The following POU5F1B variants were observed in gnomAD, a reference collection of about 807,000 sequenced individuals.
POU5F1B encodes POU domain, class 5, transcription factor 1B.
A neutral mutation model predicts 28.1 loss-of-function variants in POU5F1B; 24 were observed. That is an observed-to-expected ratio of 0.85 (90% CI 0.62 to 1.20). The LOEUF (loss-of-function observed/expected upper bound fraction) is 1.20, where lower values mean the gene tolerates loss of function less well. Ranked by LOEUF, POU5F1B falls within the 50% of genes most tolerant of loss-of-function variation. The pLI is 0.00. For missense variants in POU5F1B, 451 were observed against 451.5 expected, an observed-to-expected ratio of 1.00 and a Z score of 0.01; for synonymous variants, 220 against 193.2, an observed-to-expected ratio of 1.14 and a Z score of -1.15.
intron 2 of POU5F1B, chr8:127,415,296 C>T (rs1237532378): frequency 6.6e-6 from 1 of 152,376 alleles, no homozygotes; most frequent in Non-Finnish European, 1.5e-5. Context: ...GTAGAATTTG[C>T]ACTATTAAAT....
intron 1 of POU5F1B, chr8:127,414,855 G>A (rs951102068): frequency 4.2e-4 from 64 of 152,356 alleles, no homozygotes; most frequent in African/African-American, 1.5e-3. Flanking sequence ...CATAAAGAAC[G>A]CAGTGGCTTC....
At chr8:127,413,869 C>CAT (rs1419481993) in intron 1 of POU5F1B, among the ~76,000 whole-genome samples, 4 of 152,028 alleles carry the variant, frequency 2.6e-5, no homozygotes, top group African/African-American at 9.7e-5. Context: ...CACACACACA[C>CAT]ACACACACAC....
exon 3 of POU5F1B, chr8:127,415,769 G>A (rs920829087): frequency 4.8e-6 from 7 of 1,444,604 alleles, no homozygotes; most frequent in Middle Eastern, 2.6e-4. Context: ...GCTAGTGAGC[G>A]TATGACACAC....
At chr8:127,416,220 C>A (rs766068588) in exon 3 of POU5F1B, 3 of 1,613,884 alleles carry the variant, frequency 1.9e-6, no homozygotes, top group Non-Finnish European at 2.5e-6. Context: ...GCACCGTCCC[C>A]CCTGGTGCCG....
At chr8:127,416,786 G>T (rs868868358) in exon 3 of POU5F1B, 3 of 1,606,324 alleles carry the variant, frequency 1.9e-6, no homozygotes, top group Admixed American at 1.7e-5. Flanking sequence ...TTCTCAGGGG[G>T]ACCAGTGTCC....
chr8:127,417,194 T>TAA (rs71303488), exon 3 of POU5F1B: 5,009 of 245,344 alleles, frequency 0.02, 68 homozygotes, highest in African/African-American at 0.035. Flanking sequence ...TGGGACACAG[T>TAA]AAAAAAAAAA....
intron 1 of POU5F1B, chr8:127,414,808 T>C (rs1274878980): frequency 6.6e-6 from 1 of 152,242 alleles, no homozygotes; most frequent in Non-Finnish European, 1.5e-5. Context: ...GAATAAAATA[T>C]GGCACAAGTA....
chr8:127,416,160 A>T, exon 3 of POU5F1B: 2 of 1,613,836 alleles, frequency 1.2e-6, no homozygotes, highest in Non-Finnish European at 1.7e-6. Flanking sequence ...CTGAGAGCGA[A>T]GCAGGAGTCG....
exon 3 of POU5F1B, chr8:127,416,550 G>A (rs6998254): frequency 0.51 from 811,769 of 1,604,796 alleles, 207,606 homozygotes; most frequent in Admixed American, 0.62. Context: ...CCCTCATGCA[G>A]GCCCGAAAGA....
In POU5F1B at chr8:127,416,233, A is replaced by G. The variant is rs554089073; in HGVS notation, c.367A>G (p.Lys123Glu). The G allele has an allele frequency of 1.1e-4, 176 of 1,613,902 alleles. 1 individual carries two copies. The South Asian group carries it at 1.7e-3, about 16-fold the overall frequency. ...CTGCACCGTCCCCCCTGGTGCCGTG[A>G]AGCTGGAGAAGGAGAAGCTAGAGCA... Residue 123 changes from lysine to glutamate, a missense_variant, in exon 3 of 3, where the codon AAG (lysine) becomes GAG (glutamate). Physicochemically the swap from Lys to Glu is moderately conservative, Grantham distance 56. Around this residue, in one of 3 missense-constraint regions of POU5F1B, gnomAD observed 233 missense variants for 210.7 expected, o/e 1.11. Coordinates refer to ENST00000465342, the Ensembl canonical transcript of POU5F1B.
At chr8:127,416,393 G>A (rs6998061) in exon 3 of POU5F1B, 654,152 of 1,606,718 alleles carry the variant, frequency 0.41, 137,368 homozygotes, top group East Asian at 0.57. Flanking sequence ...GTTCTATTTG[G>A]GAAGGTGTTC....
chr8:127,417,207 AAAAG>A lies in POU5F1B; in HGVS notation c.*269_*272del, dbSNP rs1321136478. 1.4e-4 allele frequency: 32 copies of A among 236,906 alleles called. No individual in the cohort carries two copies. The South Asian group carries it at 2.0e-3, about 15-fold the overall frequency. 14.7% of individuals were successfully genotyped at this position (236,906 alleles called of 1,614,324 possible). ...CCTGGGACACAGTAAAAAAAAAAAA[AAAAG>A]AAAGAAAAGAAAAGTAACATAATTG... On this transcript the variant is annotated 3_prime_UTR_variant, in exon 3 of 3. Coordinates refer to ENST00000465342, the Ensembl canonical transcript of POU5F1B.
exon 3 of POU5F1B, chr8:127,415,938 G>C: frequency 6.4e-7 from 1 of 1,559,910 alleles, no homozygotes; most frequent in Non-Finnish European, 8.7e-7. Flanking sequence ...GGCCATGGGG[G>C]GCGGAGCCGG....
exon 3 of POU5F1B, chr8:127,416,895 C>G: frequency 6.2e-7 from 1 of 1,600,442 alleles, no homozygotes; most frequent in Non-Finnish European, 8.5e-7. Context: ...AGGGGGAAGT[C>G]TTTCCCCCAG....
At chr8:127,416,421 C>T in exon 3 of POU5F1B, 2 of 1,608,040 alleles carry the variant, frequency 1.2e-6, no homozygotes, top group East Asian at 4.5e-5. Flanking sequence ...AGACCATCTG[C>T]CGCTTTGAGG....
At chr8:127,416,700 T>C in exon 3 of POU5F1B, 1 of 1,609,032 alleles carries the variant, frequency 6.2e-7, no homozygotes, top group Non-Finnish European at 8.5e-7. Flanking sequence ...TGTGGTTCTG[T>C]AACCGGCGCC....
At chr8:127,416,584 C>A in exon 3 of POU5F1B, 3 of 1,603,152 alleles carry the variant, frequency 1.9e-6, no homozygotes, top group South Asian at 1.1e-5. Flanking sequence ...TATCGAGAAC[C>A]GAGTGAGAGG....
chr8:127,416,678 A>T, exon 3 of POU5F1B: 5 of 1,607,412 alleles, frequency 3.1e-6, no homozygotes, highest in African/African-American at 1.3e-5. Flanking sequence ...CTCGAGAAGG[A>T]TGTGGTCCGA....
intron 1 of POU5F1B, chr8:127,414,741 C>G (rs2130624509): frequency 6.6e-6 from 1 of 152,290 alleles, no homozygotes; most frequent in Non-Finnish European, 1.5e-5. Context: ...TTTGATAGTC[C>G]TCCTGCCAAA....
Sources: allele counts gnomAD v4.1 joint callset (sites outside exome capture counted in the v4.1 genomes callset), GRCh38; gene constraint gnomAD v4.1.1; regional missense constraint gnomAD v4.1.1; transcripts MANE v1.5; gene names NCBI Gene and HGNC (gene_info 2026-07-23, HGNC 2026-07-21).